Variants in LARGE1 observed in about 807,000 individuals in gnomAD.
LARGE1 encodes LARGE xylosyl- and glucuronyltransferase 1.
Under a neutral mutation model 87.6 loss-of-function variants are expected in LARGE1, and 43 were observed. That is an observed-to-expected ratio of 0.49 (90% confidence interval 0.38 to 0.63). The LOEUF is 0.63. LARGE1 is among the 30% of genes least tolerant of loss of function. The probability of loss-of-function intolerance (pLI) is 0.00; values close to 1 mark genes in which losing one functional copy is unlikely to be tolerated. For missense variants in LARGE1, 802 were observed against 1,000.2 expected, an observed-to-expected ratio of 0.80 and a Z score of 2.67; for synonymous variants, 434 against 394.6, an observed-to-expected ratio of 1.10 and a Z score of -1.18.
intron 1 of LARGE1, among the ~76,000 whole-genome samples, chr22:33,916,001 GC>G (rs2065775838): frequency 2.0e-5 from 3 of 152,226 alleles, no homozygotes; most frequent in African/African-American, 7.2e-5. Context: ...TGAATGTCTG[GC>G]CCGGGCACGG....
At chr22:33,609,033 G>C (rs78063922) in intron 4 of LARGE1, among the ~76,000 whole-genome samples, 1 of 151,880 alleles carries the variant, frequency 6.6e-6, no homozygotes, top group African/African-American at 2.4e-5. Flanking sequence ...CTTTTGCATC[G>C]CGTTTTTGAT....
At chr22:33,269,519 T>C (rs1928131339), downstream of LARGE1, among the ~76,000 whole-genome samples, 1 of 152,226 alleles carries the variant, frequency 6.6e-6, no homozygotes, top group African/African-American at 2.4e-5. Flanking sequence ...CTGATGTCAC[T>C]AGAGCCCTTA....
At chr22:33,149,009 G>A in the LARGE1 span, among the ~76,000 whole-genome samples, 1 of 148,646 alleles carries the variant, frequency 6.7e-6, no homozygotes, top group African/African-American at 2.5e-5. Flanking sequence ...TTTTTTCCTG[G>A]TTTATGGCTT....
intron 1 of LARGE1, among the ~76,000 whole-genome samples, chr22:33,764,408 T>C (rs1056208194): frequency 9.2e-5 from 14 of 152,086 alleles, no homozygotes; most frequent in African/African-American, 3.4e-4. Context: ...GCATATAACC[T>C]ACACCTATCC....
At chr22:33,319,153 T>C (rs112836978) in intron 10 of LARGE1, among the ~76,000 whole-genome samples, 17 of 152,298 alleles carry the variant, frequency 1.1e-4, no homozygotes, top group African/African-American at 3.8e-4. Flanking sequence ...AGCGGCACAG[T>C]TTATTTCTCT....
chr22:33,782,857 C>T (rs2085467574), intron 1 of LARGE1, among the ~76,000 whole-genome samples: 1 of 141,452 alleles, frequency 7.1e-6, no homozygotes, highest in African/African-American at 2.7e-5. Flanking sequence ...GAGTGAGACT[C>T]TGTCTCCAAA....
At chr22:33,562,477 C>G (rs2077890304) in intron 6 of LARGE1, among the ~76,000 whole-genome samples, 1 of 152,100 alleles carries the variant, frequency 6.6e-6, no homozygotes, top group African/African-American at 2.4e-5. Context: ...AGAAATAAAC[C>G]AACAAAAGAA....
intron 7 of LARGE1, among the ~76,000 whole-genome samples, chr22:33,419,805 C>T (rs2066630177): frequency 6.6e-6 from 1 of 152,164 alleles, no homozygotes; most frequent in Non-Finnish European, 1.5e-5. Flanking sequence ...ATTCTCGTGC[C>T]TCAGCCTCCC....
chr22:33,411,595 A>G (rs1290487945), intron 7 of LARGE1, among the ~76,000 whole-genome samples: 1 of 152,232 alleles, frequency 6.6e-6, no homozygotes, highest in African/African-American at 2.4e-5. Context: ...TATCCATAAC[A>G]TTTAATATAG....
intron 7 of LARGE1, among the ~76,000 whole-genome samples, chr22:33,398,249 A>G (rs2065815765): frequency 6.6e-6 from 1 of 152,122 alleles, no homozygotes; most frequent in Non-Finnish European, 1.5e-5. Flanking sequence ...AGGTTATCAA[A>G]TCCATGCCCC....
chr22:33,831,442 G>A (rs1444863166), intron 1 of LARGE1, among the ~76,000 whole-genome samples: 2 of 152,254 alleles, frequency 1.3e-5, no homozygotes, highest in African/African-American at 2.4e-5. Context: ...AAGATGTCAG[G>A]TGAGAGGGCG....
intron 12 of LARGE1, among the ~76,000 whole-genome samples, chr22:33,284,767 T>G (rs574293009): frequency 2.6e-5 from 4 of 152,228 alleles, no homozygotes; most frequent in South Asian, 2.1e-4. Flanking sequence ...TAGTAGAGAC[T>G]GGGTTTCACC....
chr22:33,445,647 C>CT (rs201398589), intron 6 of LARGE1, among the ~76,000 whole-genome samples: 4,297 of 135,906 alleles, frequency 0.032, 163 homozygotes, highest in African/African-American at 0.089. Context: ...AAGGGGGCCA[C>CT]TTTTTTTTTT....
At chr22:33,308,408 T>C (rs1935185553) in intron 11 of LARGE1, among the ~76,000 whole-genome samples, 1 of 152,236 alleles carries the variant, frequency 6.6e-6, no homozygotes, top group Non-Finnish European at 1.5e-5. Flanking sequence ...CTCTGAGCTA[T>C]GTCAGTATTC....
chr22:33,555,930 C>CAAAAAAAAA (rs34477059), intron 6 of LARGE1, among the ~76,000 whole-genome samples: 1 of 124,348 alleles, frequency 8.0e-6, no homozygotes. Flanking sequence ...GACTCCATCT[C>CAAAAAAAAA]AAAAAAAAAA....
chr22:33,593,381 A>AT (rs1413697631), intron 5 of LARGE1, among the ~76,000 whole-genome samples: 1 of 150,688 alleles, frequency 6.6e-6, no homozygotes, highest in Non-Finnish European at 1.5e-5. Flanking sequence ...AAAGCCTATC[A>AT]TTTTTTTTCT....
intron 11 of LARGE1, among the ~76,000 whole-genome samples, chr22:33,241,636 GTATA>G (rs1166147964): frequency 1.3e-5 from 2 of 151,532 alleles, no homozygotes; most frequent in African/African-American, 4.9e-5. Context: ...ATGTATATAT[GTATA>G]TATATGTGTG....
At chr22:33,815,074 G>C (rs1161148963) in intron 1 of LARGE1, among the ~76,000 whole-genome samples, 1 of 152,172 alleles carries the variant, frequency 6.6e-6, no homozygotes, top group East Asian at 1.9e-4. Flanking sequence ...AGTAAAGGAG[G>C]AGATTTAATG....
intron 11 of LARGE1, among the ~76,000 whole-genome samples, chr22:33,171,633 C>G (rs1211733486): frequency 6.6e-6 from 1 of 152,210 alleles, no homozygotes; most frequent in Non-Finnish European, 1.5e-5. Flanking sequence ...AGGATGCAAG[C>G]CCCAAGCCTT....
Sources: allele counts gnomAD v4.1 joint callset (sites outside exome capture counted in the v4.1 genomes callset), GRCh38; gene constraint gnomAD v4.1.1; transcripts MANE v1.5; gene names NCBI Gene and HGNC (gene_info 2026-07-23, HGNC 2026-07-21).